Variants in IQUB observed in about 807,000 individuals in gnomAD.
The protein encoded by IQUB is IQ motif and ubiquitin domain containing.
Under a neutral mutation model 86.4 loss-of-function variants are expected in IQUB, and 86 were observed. The observed-to-expected ratio is 1.00, with a 90% CI of 0.84 to 1.19. IQUB has a LOEUF of 1.19. Among genes scored for constraint, IQUB ranks in the 50% most tolerant of loss-of-function variants. IQUB has a pLI of 0.00. For synonymous variants in IQUB, 289 were observed against 304.5 expected (o/e 0.95, Z 0.53); for missense variants, 946 against 916.9 (o/e 1.03, Z -0.41).
At chr7:123,532,075 T>TA (rs1797560135) in intron 1 of IQUB, among the ~76,000 whole-genome samples, 1 of 152,312 alleles carries the variant, frequency 6.6e-6, no homozygotes, top group East Asian at 1.9e-4. Context: ...AGTTAATTCT[T>TA]ACAGTTGATA....
chr7:123,470,808 G>A (rs1227819286), intron 8 of IQUB, among the ~76,000 whole-genome samples: 5 of 150,636 alleles, frequency 3.3e-5, no homozygotes, highest in African/African-American at 9.8e-5. Flanking sequence ...CCGAGATCGC[G>A]CCACTGCACT....
At chr7:123,494,765 T>G (rs1795638225) in intron 7 of IQUB, among the ~76,000 whole-genome samples, 3 of 152,130 alleles carry the variant, frequency 2.0e-5, no homozygotes, top group Non-Finnish European at 4.4e-5. Flanking sequence ...TATTAAGCCC[T>G]CTGAAGTAGA....
At chr7:123,488,451 G>C (rs1219201944) in intron 7 of IQUB, among the ~76,000 whole-genome samples, 1 of 152,160 alleles carries the variant, frequency 6.6e-6, no homozygotes, top group African/African-American at 2.4e-5. Context: ...TGGGAGGTAG[G>C]TACTGACAGC....
chr7:123,460,400 A>C (rs1793924758), intron 11 of IQUB, among the ~76,000 whole-genome samples: 1 of 148,594 alleles, frequency 6.7e-6, no homozygotes. Context: ...AGCACATCAC[A>C]TTTGGTATCT....
At chr7:123,528,598 A>G (rs1460328343) in intron 1 of IQUB, among the ~76,000 whole-genome samples, 1 of 152,086 alleles carries the variant, frequency 6.6e-6, no homozygotes, top group African/African-American at 2.4e-5. Context: ...GGGGATTGGG[A>G]GGAGAACAGA....
At chr7:123,477,808 A>C (rs1376504544) in intron 8 of IQUB, among the ~76,000 whole-genome samples, 2 of 152,254 alleles carry the variant, frequency 1.3e-5, no homozygotes, top group Admixed American at 6.5e-5. Flanking sequence ...TCTCAAAAGA[A>C]GACATTTATG....
chr7:123,470,159 A>G (rs148052334), intron 8 of IQUB, among the ~76,000 whole-genome samples: 1 of 152,118 alleles, frequency 6.6e-6, no homozygotes, highest in Non-Finnish European at 1.5e-5. Flanking sequence ...AAACAGGATA[A>G]TCTTTAATGA....
chr7:123,469,473 A>C, intron 8 of IQUB, 89 bp from the exon 9 acceptor site: 1 of 642,004 alleles, frequency 1.6e-6, no homozygotes, highest in Non-Finnish European at 2.5e-6. Context: ...CTACCTTAAT[A>C]TCATGTGCTT....
intron 3 of IQUB, among the ~76,000 whole-genome samples, chr7:123,509,614 C>T (rs763022871): frequency 3.3e-5 from 5 of 152,136 alleles, no homozygotes; most frequent in Non-Finnish European, 5.9e-5. Flanking sequence ...TCCATGGAAG[C>T]GTTTACACAT....
intron 1 of IQUB, among the ~76,000 whole-genome samples, chr7:123,513,864 G>A (rs971483865): frequency 6.6e-6 from 1 of 152,096 alleles, no homozygotes; most frequent in Non-Finnish European, 1.5e-5. Context: ...GGCCAGGCTG[G>A]TCTCAAACTC....
intron 1 of IQUB, among the ~76,000 whole-genome samples, chr7:123,523,819 G>A (rs1013914019): frequency 5.3e-5 from 8 of 152,100 alleles, no homozygotes; most frequent in Non-Finnish European, 1.0e-4. Context: ...TTTTCTTGTA[G>A]GGTTTTTATG....
chr7:123,506,083 G>A (rs1162336486), intron 3 of IQUB, among the ~76,000 whole-genome samples: 1 of 152,178 alleles, frequency 6.6e-6, no homozygotes, highest in Non-Finnish European at 1.5e-5. Context: ...AGGACACAGT[G>A]CTGCCGGGTG....
chr7:123,500,039 A>G (rs1795871624), intron 6 of IQUB, among the ~76,000 whole-genome samples: 1 of 152,232 alleles, frequency 6.6e-6, no homozygotes, highest in South Asian at 2.1e-4. Flanking sequence ...TGCCATGGCA[A>G]TATCAGGAAG....
At chr7:123,521,311 T>C (rs1796889946) in intron 1 of IQUB, among the ~76,000 whole-genome samples, 1 of 152,080 alleles carries the variant, frequency 6.6e-6, no homozygotes, top group Non-Finnish European at 1.5e-5. Flanking sequence ...ATGTTAGGTG[T>C]CCTAGATTGC....
chr7:123,498,889 T>G (rs749054233), intron 6 of IQUB, among the ~76,000 whole-genome samples: 1 of 152,150 alleles, frequency 6.6e-6, no homozygotes, highest in Non-Finnish European at 1.5e-5. Context: ...CAGATAAAGC[T>G]TTATTACAAT....
rs946628139 is a variant in IQUB at position 123,527,298 on chromosome 7, G to T, written c.-5+7194C>A. Among the ~76,000 whole-genome samples the T allele has an allele frequency of 2.6e-5, 4 of 152,166 alleles. No homozygotes were observed. The East Asian group carries it at 7.7e-4, about 29-fold the overall frequency. The stretch of plus-strand genomic sequence containing the variant: ...GCTCGGAGTAATTTGATCGTCTGAA[G>T]CCTTCTTCTCTCAGCTCGTCAAAGT... On this transcript the variant is annotated intron_variant, in intron 1 of 12. Transcript: ENST00000324698.
intron 3 of IQUB, among the ~76,000 whole-genome samples, chr7:123,504,317 G>A (rs1316529441): frequency 6.6e-6 from 1 of 152,110 alleles, no homozygotes; most frequent in Non-Finnish European, 1.5e-5. Flanking sequence ...GGCCGTGGTG[G>A]CATATGCCTG....
At chr7:123,469,411 T>A in intron 8 of IQUB, 27 bp from the exon 9 acceptor site, 3 of 1,381,802 alleles carry the variant, frequency 2.2e-6, no homozygotes, top group Non-Finnish European at 2.9e-6. Context: ...TGTTTATAAT[T>A]ATCAGTTAAT....
At chr7:123,467,883 C>T (rs1236484794) in intron 9 of IQUB, among the ~76,000 whole-genome samples, 1 of 152,188 alleles carries the variant, frequency 6.6e-6, no homozygotes, top group East Asian at 1.9e-4. Context: ...AGGAAAAATG[C>T]TTCTAATGTA....
Sources: allele counts gnomAD v4.1 joint callset (sites outside exome capture counted in the v4.1 genomes callset), GRCh38; gene constraint gnomAD v4.1.1; transcripts MANE v1.5; gene names NCBI Gene and HGNC (gene_info 2026-07-23, HGNC 2026-07-21).